The following VPS37A variants were observed in gnomAD, a reference collection of about 807,000 sequenced individuals.
The protein encoded by VPS37A is VPS37A subunit of ESCRT-I.
A neutral mutation model predicts 49.8 loss-of-function variants in VPS37A; 30 were observed. The ratio of observed to expected loss-of-function variants is 0.60; its 90% CI spans 0.45 to 0.82. VPS37A has a LOEUF of 0.82. VPS37A is among the 40% of genes least tolerant of loss of function. The pLI, the probability that VPS37A is intolerant of heterozygous loss-of-function variation, is 0.00. For synonymous variants in VPS37A, 195 were observed against 160.6 expected (o/e 1.21, Z -1.62); for missense variants, 593 against 464.4 (o/e 1.28, Z -2.55).
downstream of VPS37A, chr8:17,299,041 C>T (rs993205294): frequency 1.3e-5 from 2 of 152,190 alleles, no homozygotes; most frequent in African/African-American, 4.8e-5. Context: ...TGAGATCAGG[C>T]TGGTGGCTGG....
At chr8:17,265,212 A>G (rs1813334021) in intron 1 of VPS37A, among the ~76,000 whole-genome samples, 1 of 152,190 alleles carries the variant, frequency 6.6e-6, no homozygotes, top group Non-Finnish European at 1.5e-5. Context: ...AGGAGGAAGT[A>G]GAAGGAAGGC....
intron 1 of VPS37A, among the ~76,000 whole-genome samples, chr8:17,261,557 G>A (rs1274240176): frequency 1.3e-5 from 2 of 152,232 alleles, no homozygotes; most frequent in African/African-American, 2.4e-5. Flanking sequence ...TTACTTTGAC[G>A]AATTAGTTAT....
chr8:17,258,976 A>G (rs750044961), intron 1 of VPS37A, among the ~76,000 whole-genome samples: 1 of 151,856 alleles, frequency 6.6e-6, no homozygotes, highest in Non-Finnish European at 1.5e-5. Flanking sequence ...TTGTGACTTC[A>G]TTTATTTGGG....
chr8:17,325,297 G>A, the VPS37A span, among the ~76,000 whole-genome samples: 3 of 152,188 alleles, frequency 2.0e-5, no homozygotes, highest in South Asian at 2.1e-4. Context: ...TGCCTCCCAC[G>A]ACAACTCCAA....
At chr8:17,307,623 C>G in the VPS37A span, among the ~76,000 whole-genome samples, 1 of 152,150 alleles carries the variant, frequency 6.6e-6, no homozygotes, top group African/African-American at 2.4e-5. Flanking sequence ...ATAGCAAAGA[C>G]TTGGAACCAA....
At chr8:17,274,383 G>T (rs1435553668) in intron 4 of VPS37A, among the ~76,000 whole-genome samples, 2 of 152,136 alleles carry the variant, frequency 1.3e-5, no homozygotes, top group African/African-American at 4.8e-5. Context: ...ATATTGCTCT[G>T]CATTCCCTCT....
intron 5 of VPS37A, 116 bp downstream of exon 5, chr8:17,275,074 T>A: frequency 1.0e-6 from 1 of 967,562 alleles, no homozygotes; most frequent in Non-Finnish European, 1.5e-6. Context: ...TATGAAAAGA[T>A]GAACTCACAT....
rs1459485577 is a variant in VPS37A, at chr8:17,268,942, A to C, written c.402A>C (p.Ser134=). The C allele has an allele frequency of 6.2e-7, 1 of 1,604,344 alleles. No homozygotes were observed. The highest frequency in any genetic ancestry group is 8.5e-7 in the Non-Finnish European group (1 of 1,175,926). The change falls in exon 4 of 12, where the codon TCA becomes TCC. Residue 134 remains serine, a synonymous_variant. Transcript: ENST00000324849. ...WKNPPVLAPT[S]TAFPYLYSNP... ...ATCCTCCAGTTTTAGCTCCTACTTCAACAGCATTTCCTTAGTAAGTATATT... is the reference window on the plus strand; with the variant it reads ...ATCCTCCAGTTTTAGCTCCTACTTCCACAGCATTTCCTTAGTAAGTATATT...
At chr8:17,250,616 A>T (rs1276089736) in intron 1 of VPS37A, among the ~76,000 whole-genome samples, 1 of 152,074 alleles carries the variant, frequency 6.6e-6, no homozygotes, top group Non-Finnish European at 1.5e-5. Flanking sequence ...TCTCTACCCC[A>T]TTCTGTCATC....
At chr8:17,281,712 C>A (rs1474237848) in intron 9 of VPS37A, among the ~76,000 whole-genome samples, 1 of 151,870 alleles carries the variant, frequency 6.6e-6, no homozygotes, top group East Asian at 1.9e-4. Context: ...AATAAACAAT[C>A]AAAAATTCTA....
At chr8:17,277,670 C>T (rs1372416294) in intron 6 of VPS37A, among the ~76,000 whole-genome samples, 4 of 151,996 alleles carry the variant, frequency 2.6e-5, no homozygotes, top group African/African-American at 9.7e-5. Flanking sequence ...TCACCATCAT[C>T]ATCATACCTA....
At chr8:17,264,804 A>C (rs751260308) in intron 1 of VPS37A, among the ~76,000 whole-genome samples, 1 of 152,174 alleles carries the variant, frequency 6.6e-6, no homozygotes, top group Non-Finnish European at 1.5e-5. Flanking sequence ...CACCTCATTA[A>C]TACTACTTAG....
the VPS37A span, among the ~76,000 whole-genome samples, chr8:17,329,802 T>G: frequency 6.6e-5 from 10 of 152,126 alleles, no homozygotes; most frequent in South Asian, 4.1e-4. Flanking sequence ...TCTCCAAAAG[T>G]TGAAGCTGCT....
intron 1 of VPS37A, among the ~76,000 whole-genome samples, chr8:17,248,642 A>C (rs1176989805): frequency 6.6e-6 from 1 of 152,196 alleles, no homozygotes; most frequent in Non-Finnish European, 1.5e-5. Flanking sequence ...AATATCGAAT[A>C]ATTCTTATTT....
At chr8:17,274,588 A>G (rs575421576) in intron 4 of VPS37A, 145 bp from the exon 5 acceptor site, 18 of 553,886 alleles carry the variant, frequency 3.2e-5, no homozygotes, top group African/African-American at 2.8e-4. Context: ...ATTTAATTCC[A>G]TTATATAATT....
intron 11 of VPS37A, among the ~76,000 whole-genome samples, chr8:17,289,200 T>C (rs372215477): frequency 6.6e-6 from 1 of 152,184 alleles, no homozygotes; most frequent in African/African-American, 2.4e-5. Context: ...ATAAGGTCTT[T>C]AGTTTTATTA....
chr8:17,308,115 A>T, the VPS37A span, among the ~76,000 whole-genome samples: 1 of 152,180 alleles, frequency 6.6e-6, no homozygotes, highest in Non-Finnish European at 1.5e-5. Flanking sequence ...ATATTTGCAT[A>T]AAGGGAATTT....
chr8:17,302,609 A>G (rs1817189401), downstream of VPS37A, among the ~76,000 whole-genome samples: 1 of 145,210 alleles, frequency 6.9e-6, no homozygotes, highest in Non-Finnish European at 1.5e-5. Context: ...GAAATTGTAT[A>G]TTTAGAATCT....
chr8:17,316,836 C>A, the VPS37A span, among the ~76,000 whole-genome samples: 1 of 151,730 alleles, frequency 6.6e-6, no homozygotes, highest in African/African-American at 2.4e-5. Context: ...GGGACTTCTG[C>A]GTGTGTGGAT....
Sources: gnomAD v4.1 joint callset for allele counts (sites outside exome capture counted in the v4.1 genomes callset) on GRCh38, gnomAD v4.1.1 for gene constraint, MANE v1.5 for transcripts, NCBI Gene and HGNC (gene_info 2026-07-23, HGNC 2026-07-21) for gene names.